SH2D4B: variants seen among roughly 807,000 people sequenced by gnomAD.
SH2D4B encodes the protein SH2 domain-containing protein 4B.
SH2D4B carries 45 observed loss-of-function variants against 61.5 expected under a neutral mutation model. The ratio of observed to expected loss-of-function variants is 0.73; its 90% confidence interval spans 0.58 to 0.94. The LOEUF (loss-of-function observed/expected upper bound fraction) is 0.94. Among genes scored for constraint, SH2D4B ranks in the 40% least tolerant of loss-of-function variants. The probability of loss-of-function intolerance (pLI) is 0.00; values close to 1 mark genes in which losing one functional copy is unlikely to be tolerated. For missense variants in SH2D4B, 572 were observed against 574.2 expected (o/e 1.00, Z 0.04); for synonymous variants, 224 against 220.4 (o/e 1.02, Z -0.14).
In SH2D4B at chr10:80,645,615, C is replaced by T. The variant is rs1840385206; in HGVS notation, c.*1530C>T. The T allele has an allele frequency of 6.6e-6, 1 of 152,144 alleles. No individual in the cohort carries two copies. The highest frequency in any genetic ancestry group is 2.1e-4 in the South Asian group (1 of 4,830). 9.4% of individuals were successfully genotyped at this position (152,144 alleles called of 1,614,324 possible). A position where few individuals can be genotyped will look rare whatever the true frequency, so the allele number is the denominator to read the frequency against. On this transcript the variant is annotated 3_prime_UTR_variant, in exon 8 of 8. Transcript: ENST00000646907. Reference sequence around the variant, plus strand: ...GATCGAGCAACCAGTCATGATGAAACCAAGTGGTGGCCGGATCAGTATGAC... The same window carrying T: ...GATCGAGCAACCAGTCATGATGAAATCAAGTGGTGGCCGGATCAGTATGAC...
Position 80,539,659 on chromosome 10 carries a change from G to A in SH2D4B, c.184+1144G>A, listed in dbSNP as rs1425111230. 6.6e-6 allele frequency among the ~76,000 whole-genome samples: 1 copy of A among 152,124 alleles called. No homozygotes were observed. Among genetic ancestry groups the A allele is most frequent in the Non-Finnish European group, 1.5e-5 (1 of 68,016 alleles). On this transcript the variant is annotated intron_variant, in intron 1 of 7. Transcript: ENST00000646907. This position sits in a 1 kb window ranked among gnomAD's most constrained non-coding sequence, Gnocchi z 4.9. Reference sequence around the variant, plus strand: ...CTCCTCTGTGGCTGCCTGGCATGTAGGACCCACGCCTGCCCTGGCATTTGC... The same window carrying A: ...CTCCTCTGTGGCTGCCTGGCATGTAAGACCCACGCCTGCCCTGGCATTTGC...
chr10:80,616,105 C>CA (rs11299394), intron 6 of SH2D4B, among the ~76,000 whole-genome samples: 12 of 150,194 alleles, frequency 8.0e-5, no homozygotes, highest in African/African-American at 2.7e-4. Flanking sequence ...TTTAGCCTTC[C>CA]AAAAAAAAAG....
At chr10:80,634,257 T>A in intron 6 of SH2D4B, 28 bp from the exon 7 acceptor site, 4 of 1,484,368 alleles carry the variant, frequency 2.7e-6, no homozygotes, top group Admixed American at 2.5e-5. Context: ...CCTGCTGTGT[T>A]TTTTTGTTTT....
At chr10:80,553,041 G>A (rs552947322) in intron 1 of SH2D4B, among the ~76,000 whole-genome samples, 3 of 152,106 alleles carry the variant, frequency 2.0e-5, no homozygotes, top group African/African-American at 7.2e-5. Flanking sequence ...TCAGCCTCCC[G>A]AGTAGCTGGG....
At chr10:80,587,122 C>T (rs544810602) in intron 3 of SH2D4B, among the ~76,000 whole-genome samples, 1 of 148,114 alleles carries the variant, frequency 6.8e-6, no homozygotes, top group South Asian at 2.1e-4. Context: ...CCCACCAATT[C>T]CGGCCACGTT....
chr10:80,578,289 G>T (rs181345140), intron 3 of SH2D4B, among the ~76,000 whole-genome samples: 245 of 152,210 alleles, frequency 1.6e-3, no homozygotes, highest in Non-Finnish European at 2.7e-3. Flanking sequence ...TCTGAGTCTT[G>T]CTTGTAGGAA....
intron 6 of SH2D4B, among the ~76,000 whole-genome samples, chr10:80,631,460 G>A (rs1842833353): frequency 6.6e-6 from 1 of 152,126 alleles, no homozygotes; most frequent in Non-Finnish European, 1.5e-5. Flanking sequence ...TGTTGCCCAG[G>A]CTGGTTTTGA....
intron 1 of SH2D4B, among the ~76,000 whole-genome samples, chr10:80,559,329 G>A (rs1396799691): frequency 6.6e-6 from 1 of 151,970 alleles, no homozygotes; most frequent in Non-Finnish European, 1.5e-5. Context: ...TGAATGAACA[G>A]GCACAGTAGA....
intron 1 of SH2D4B, among the ~76,000 whole-genome samples, chr10:80,545,832 C>T (rs1351283580): frequency 1.3e-5 from 2 of 152,034 alleles, no homozygotes; most frequent in Non-Finnish European, 2.9e-5. Flanking sequence ...ACCTCTCCAC[C>T]CCACTACACA....
At chr10:80,634,535 G>C in intron 7 of SH2D4B, 30 bp downstream of exon 7, 1 of 1,544,440 alleles carries the variant, frequency 6.5e-7, no homozygotes, top group Non-Finnish European at 8.7e-7. Flanking sequence ...TAATGGGGGG[G>C]AGGGGGAACT....
At chr10:80,567,511 A>T (rs967651418) in intron 1 of SH2D4B, among the ~76,000 whole-genome samples, 1 of 152,224 alleles carries the variant, frequency 6.6e-6, no homozygotes, top group Non-Finnish European at 1.5e-5. Flanking sequence ...GGTCTCTATC[A>T]GGTCTGAATG....
chr10:80,620,966 T>A (rs1436915604), intron 6 of SH2D4B, among the ~76,000 whole-genome samples: 1 of 152,246 alleles, frequency 6.6e-6, no homozygotes, highest in Non-Finnish European at 1.5e-5. Flanking sequence ...TTCTCATAGA[T>A]CTTATGTTTG....
chr10:80,540,748 T>C (rs1841566514), intron 1 of SH2D4B: 4 of 1,399,624 alleles, frequency 2.9e-6, no homozygotes, highest in Non-Finnish European at 3.9e-6. Flanking sequence ...GCAGTGCTTG[T>C]CCTGGAGACG....
chr10:80,538,244 C>A lies in SH2D4B; in HGVS notation c.-88C>A. On this transcript the variant is annotated 5_prime_UTR_variant, in exon 1 of 8. Transcript: ENST00000646907. This position sits in a 1 kb window ranked among gnomAD's most constrained non-coding sequence, Gnocchi z 4.8. Reference sequence around the variant, plus strand: ...GAGAGTGGCCCCGGATTGAGCAGTCCGTAGTGCAGAGCAGCCCCTCGGGCG... The same window carrying A: ...GAGAGTGGCCCCGGATTGAGCAGTCAGTAGTGCAGAGCAGCCCCTCGGGCG... 2.7e-6 allele frequency: 3 copies of A among 1,128,750 alleles called. No individual in the cohort carries two copies. The highest frequency in any genetic ancestry group is 3.4e-6 in the Non-Finnish European group (3 of 871,194). 69.9% of individuals were successfully genotyped at this position (1,128,750 alleles called of 1,614,324 possible).
chr10:80,548,809 TA>T (rs2132105015), intron 1 of SH2D4B, among the ~76,000 whole-genome samples: 1 of 152,322 alleles, frequency 6.6e-6, no homozygotes, highest in Admixed American at 6.5e-5. Flanking sequence ...CATCACTGTC[TA>T]GCCAACCTCA....
At chr10:80,581,791 G>A (rs1461966983) in intron 3 of SH2D4B, among the ~76,000 whole-genome samples, 1 of 152,232 alleles carries the variant, frequency 6.6e-6, no homozygotes, top group African/African-American at 2.4e-5. Flanking sequence ...GCAGCATGCA[G>A]TTGATGTCCC....
intron 4 of SH2D4B, among the ~76,000 whole-genome samples, chr10:80,600,721 G>A (rs1842443160): frequency 6.6e-6 from 1 of 152,150 alleles, no homozygotes; most frequent in Admixed American, 6.5e-5. Context: ...AGGAGAATGG[G>A]TTTAATCTTT....
intron 3 of SH2D4B, among the ~76,000 whole-genome samples, chr10:80,584,912 G>A (rs969311297): frequency 5.9e-5 from 9 of 152,340 alleles, no homozygotes; most frequent in South Asian, 2.1e-4. Flanking sequence ...ACACATGGAC[G>A]TAGCCAAGCA....
intron 6 of SH2D4B, among the ~76,000 whole-genome samples, chr10:80,633,563 C>T (rs1160314145): frequency 6.6e-6 from 1 of 152,154 alleles, no homozygotes; most frequent in Non-Finnish European, 1.5e-5. Flanking sequence ...ACCTGTTCTA[C>T]ATCACGCCTC....
Sources: allele counts gnomAD v4.1 joint callset (sites outside exome capture counted in the v4.1 genomes callset), GRCh38; gene constraint gnomAD v4.1.1; non-coding constraint Gnocchi (gnomAD v3.1); transcripts MANE v1.5; gene names NCBI Gene and HGNC (gene_info 2026-07-23, HGNC 2026-07-21).